The following AFAP1L2 variants were observed in gnomAD, a reference collection of about 807,000 sequenced individuals.
AFAP1L2 encodes actin filament-associated protein 1-like 2.
A neutral mutation model predicts 99.3 loss-of-function variants in AFAP1L2; 46 were observed. The observed-to-expected ratio is 0.46, with a 90% CI of 0.37 to 0.59. The LOEUF (loss-of-function observed/expected upper bound fraction) is 0.59, where lower values mean the gene tolerates loss of function less well. Ranked by LOEUF, AFAP1L2 falls within the 20% of genes least tolerant of loss-of-function variation. AFAP1L2 has a pLI of 0.00. For missense variants in AFAP1L2, 959 were observed against 1,034.9 expected, an observed-to-expected ratio of 0.93 and a Z score of 1.01; for synonymous variants, 397 against 419.1, an observed-to-expected ratio of 0.95 and a Z score of 0.64.
At chr10:114,369,452 G>A (rs1000212037) in intron 1 of AFAP1L2, among the ~76,000 whole-genome samples, 14 of 151,974 alleles carry the variant, frequency 9.2e-5, no homozygotes, top group South Asian at 4.2e-4. Flanking sequence ...AAAATTAGCC[G>A]GGCGTGGTGG....
chr10:114,291,226 A>G, downstream of AFAP1L2: 2 of 1,550,498 alleles, frequency 1.3e-6, no homozygotes, highest in Non-Finnish European at 8.7e-7. Flanking sequence ...AGGATTCTTG[A>G]GACGCCCCTG....
At chr10:114,404,697 T>C (rs1281516576), upstream of AFAP1L2, 3 of 429,604 alleles carry the variant, frequency 7.0e-6, no homozygotes, top group African/African-American at 6.3e-5. Flanking sequence ...AGGCTGACAG[T>C]CGGCTCTTGA....
Position 114,302,390 on chromosome 10 carries a change from A to G in AFAP1L2, c.1379T>C (p.Val460Ala). 6.2e-7 allele frequency: 1 copy of G among 1,614,168 alleles called. No homozygotes were observed. The highest frequency in any genetic ancestry group is 8.5e-7 in the Non-Finnish European group (1 of 1,180,024). ...TDPEEFTYDY[V>A]DADRVSCIVS... is the part of the protein sequence containing the mutation. The stretch of plus-strand genomic sequence containing the variant: ...AATACAGGAGACCCTATCGGCATCC[A>G]CATAGTCGTAGGTGAACTCTTCTGG... The change falls in exon 12 of 19, where the codon GTG (valine) becomes GCG (alanine). Residue 460 changes from valine (V) to alanine (A), a missense_variant. By Grantham distance (64) the Val-to-Ala change is moderately conservative. This residue lies in a region of AFAP1L2 where 576 missense variants were observed against 562.1 expected (regional missense o/e 1.02). Coordinates refer to ENST00000304129, the MANE Select transcript of AFAP1L2 (RefSeq NM_001001936.3).
chr10:114,297,163 C>CA, intron 17 of AFAP1L2, 57 bp downstream of exon 17: 2 of 1,608,146 alleles, frequency 1.2e-6, no homozygotes, highest in Non-Finnish European at 8.5e-7. Flanking sequence ...CCACCCACCC[C>CA]AACCCATGTC....
intron 1 of AFAP1L2, among the ~76,000 whole-genome samples, chr10:114,349,289 A>G (rs2050068958): frequency 6.6e-6 from 1 of 151,806 alleles, no homozygotes; most frequent in Non-Finnish European, 1.5e-5. Context: ...GAACCATAAG[A>G]ATCACTTGAA....
chr10:114,402,116 C>T (rs2058284890), intron 1 of AFAP1L2, among the ~76,000 whole-genome samples: 1 of 152,142 alleles, frequency 6.6e-6, no homozygotes, highest in African/African-American at 2.4e-5. Flanking sequence ...AATAAACCTG[C>T]TTTTTCCGTT....
chr10:114,347,083 A>C (rs1303275201), intron 1 of AFAP1L2, among the ~76,000 whole-genome samples: 2 of 152,228 alleles, frequency 1.3e-5, no homozygotes, highest in Non-Finnish European at 2.9e-5. Flanking sequence ...TGTCAAACTG[A>C]GCAGACCTGC....
chr10:114,391,555 C>A (rs138127082), intron 1 of AFAP1L2, among the ~76,000 whole-genome samples: 3 of 152,176 alleles, frequency 2.0e-5, no homozygotes, highest in East Asian at 3.9e-4. Context: ...ATATACCACA[C>A]GTGAGATTAG....
At chr10:114,384,912 C>T (rs1352456640) in intron 1 of AFAP1L2, among the ~76,000 whole-genome samples, 1 of 152,220 alleles carries the variant, frequency 6.6e-6, no homozygotes, top group Non-Finnish European at 1.5e-5. Flanking sequence ...TGATCAGGAA[C>T]AAAGCAGATG....
chr10:114,312,967 G>A (rs1411387667), intron 7 of AFAP1L2, among the ~76,000 whole-genome samples: 5 of 152,140 alleles, frequency 3.3e-5, no homozygotes, highest in South Asian at 4.1e-4. Flanking sequence ...TGCCTCAGGC[G>A]GGTACTGAGG....
intron 1 of AFAP1L2, among the ~76,000 whole-genome samples, chr10:114,401,596 G>T (rs1235061803): frequency 6.6e-6 from 1 of 152,096 alleles, no homozygotes; most frequent in Non-Finnish European, 1.5e-5. Flanking sequence ...TCATAAAAGT[G>T]CCATCTCTCT....
chr10:114,333,218 T>C lies in AFAP1L2; in HGVS notation c.220+3A>G. The C allele has an allele frequency of 1.9e-6, 3 of 1,612,598 alleles. No individual in the cohort carries two copies. Among genetic ancestry groups the C allele is most frequent in the Non-Finnish European group, 2.5e-6 (3 of 1,179,200 alleles). ...ACCAGCGTCAGTGATCCCAGCCTCA[T>C]ACCTTTGCCTTGAGACTCTGCATTC... On this transcript the variant is annotated splice_donor_region_variant and intron_variant, in intron 3 of 18. Transcript: ENST00000304129.
chr10:114,391,815 G>A (rs1398587987), intron 1 of AFAP1L2, among the ~76,000 whole-genome samples: 2 of 152,158 alleles, frequency 1.3e-5, no homozygotes, highest in South Asian at 4.1e-4. Flanking sequence ...CCAAGTTAGG[G>A]AGCTACAAGG....
At position 114,300,666 on chromosome 10, in the gene AFAP1L2, G is replaced by A. The variant is rs2040996206; in HGVS notation, c.1567C>T (p.Pro523Ser). 6.2e-7 allele frequency: 1 copy of A among 1,603,382 alleles called. No homozygotes were observed. Among genetic ancestry groups the A allele is most frequent in the Non-Finnish European group, 8.5e-7 (1 of 1,174,006 alleles). The change falls in exon 14 of 19, where the codon CCT becomes TCT. Residue 523 changes from proline (P) to serine (S), a missense_variant. Pro to Ser is a moderately conservative substitution (Grantham distance 74). Coordinates refer to ENST00000304129, the MANE Select transcript of AFAP1L2 (RefSeq NM_001001936.3). ...CTCTCATTTGGGTCATCTGCAACAGGGGTGGCTTCCTCGGTAGGCTCCACC... is the reference window on the plus strand; with the variant it reads ...CTCTCATTTGGGTCATCTGCAACAGAGGTGGCTTCCTCGGTAGGCTCCACC... Reference protein sequence around the residue: ...AAVEPTEEATPVADDPNERES... With the variant: ...AAVEPTEEATSVADDPNERES...
intron 5 of AFAP1L2, among the ~76,000 whole-genome samples, chr10:114,320,488 C>T (rs2045031323): frequency 6.6e-6 from 1 of 152,230 alleles, no homozygotes; most frequent in African/African-American, 2.4e-5. Context: ...GAAGGCCTCC[C>T]TCTGTGCTGA....
intron 10 of AFAP1L2, among the ~76,000 whole-genome samples, chr10:114,305,773 G>A (rs1421684915): frequency 1.4e-5 from 2 of 138,490 alleles, no homozygotes; most frequent in Non-Finnish European, 3.1e-5. Context: ...ACTGGTCGGG[G>A]CTGCAGGAGG....
At chr10:114,376,289 C>T (rs527735424) in intron 1 of AFAP1L2, among the ~76,000 whole-genome samples, 32 of 152,274 alleles carry the variant, frequency 2.1e-4, no homozygotes, top group African/African-American at 7.0e-4. Flanking sequence ...ACCTTGTGCT[C>T]GGATCCAGAG....
chr10:114,332,644 T>C (rs2047407015), intron 3 of AFAP1L2, among the ~76,000 whole-genome samples: 1 of 152,228 alleles, frequency 6.6e-6, no homozygotes, highest in Non-Finnish European at 1.5e-5. Flanking sequence ...CAGCTCTGCA[T>C]ACCTCTGGGC....
intron 1 of AFAP1L2, among the ~76,000 whole-genome samples, chr10:114,349,808 A>AG (rs952368461): frequency 1.3e-3 from 4 of 3,120 alleles, no homozygotes; most frequent in East Asian, 7.4e-3. Context: ...AGAAATGGCG[A>AG]GGGGGGCGGG....
Sources: gnomAD v4.1 joint callset for allele counts (sites outside exome capture counted in the v4.1 genomes callset) on GRCh38, gnomAD v4.1.1 for gene constraint, gnomAD v4.1.1 regional missense constraint, MANE v1.5 for transcripts, NCBI Gene and HGNC (gene_info 2026-07-23, HGNC 2026-07-21) for gene names.